The following MACC1 variants were observed in gnomAD, a reference collection of about 807,000 sequenced individuals.
MACC1 encodes MET transcriptional regulator MACC1, also known as metastasis-associated in colon cancer protein 1.
In MACC1, 79 loss-of-function variants were observed where a neutral mutation model predicts 70.7. The ratio of observed to expected loss-of-function variants is 1.12; its 90% confidence interval spans 0.93 to 1.35. MACC1 has a LOEUF of 1.35. Ranked by LOEUF, MACC1 falls within the 40% of genes most tolerant of loss-of-function variation. MACC1 has a pLI of 0.00. For missense variants in MACC1, 1,106 were observed against 978.1 expected (o/e 1.13, Z -1.74); for synonymous variants, 361 against 347.2 (o/e 1.04, Z -0.44).
At chr7:20,209,946 G>A (rs1782972089) in intron 1 of MACC1, among the ~76,000 whole-genome samples, 1 of 152,110 alleles carries the variant, frequency 6.6e-6, no homozygotes, top group African/African-American at 2.4e-5. Flanking sequence ...TTCCCTGCTG[G>A]CACTCATTCT....
chr7:20,144,146 T>G (rs953124168), intron 6 of MACC1, among the ~76,000 whole-genome samples: 10 of 152,202 alleles, frequency 6.6e-5, no homozygotes, highest in African/African-American at 2.2e-4. Context: ...TTATCATTGT[T>G]CATTAACTAT....
chr7:20,175,772 C>A (rs971353760), intron 1 of MACC1, among the ~76,000 whole-genome samples: 1 of 152,082 alleles, frequency 6.6e-6, no homozygotes, highest in Non-Finnish European at 1.5e-5. Flanking sequence ...AGCATTTTAA[C>A]ATGACTCTTG....
At chr7:20,168,743 T>A (rs1383744590) in intron 2 of MACC1, among the ~76,000 whole-genome samples, 1 of 152,180 alleles carries the variant, frequency 6.6e-6, no homozygotes, top group Non-Finnish European at 1.5e-5. Context: ...CATGTCAGGT[T>A]ACAATCCCAA....
rs112014127 is a variant in MACC1 at position 20,143,640 on chromosome 7, C to T, written c.2347-2482G>A. ...TCCTGACCTCATGATCCGCCCGCCTCGGACTCGCAAAGTGCTGGGATTACA... is the reference window on the plus strand; with the variant it reads ...TCCTGACCTCATGATCCGCCCGCCTTGGACTCGCAAAGTGCTGGGATTACA... On this transcript the variant is annotated intron_variant, in intron 6 of 6. Coordinates refer to ENST00000400331, the MANE Select transcript of MACC1 (RefSeq NM_182762.4). Among the ~76,000 whole-genome samples, 1,163 of 152,280 alleles carry T rather than the reference C, an allele frequency of 7.6e-3. 13 individuals are homozygous for T. Among genetic ancestry groups the T allele is most frequent in the African/African-American group, 0.027 (1,125 of 41,524 alleles).
intron 1 of MACC1, among the ~76,000 whole-genome samples, chr7:20,183,414 C>T (rs549463569): frequency 3.9e-5 from 6 of 152,298 alleles, no homozygotes; most frequent in South Asian, 4.1e-4. Flanking sequence ...TAGGAGAATT[C>T]GGTTCAAATG....
chr7:20,182,405 G>T (rs888018232), intron 1 of MACC1, among the ~76,000 whole-genome samples: 2 of 151,982 alleles, frequency 1.3e-5, no homozygotes, highest in African/African-American at 4.8e-5. Context: ...CTCCATTATG[G>T]CTGTTAACCC....
At chr7:20,147,069 G>A (rs1781902865) in intron 6 of MACC1, among the ~76,000 whole-genome samples, 1 of 152,194 alleles carries the variant, frequency 6.6e-6, no homozygotes. Flanking sequence ...TGGAAGAAGT[G>A]TGTCTTAGGT....
chr7:20,172,101 C>T (rs1409211442), intron 1 of MACC1, among the ~76,000 whole-genome samples: 1 of 152,164 alleles, frequency 6.6e-6, no homozygotes, highest in Non-Finnish European at 1.5e-5. Flanking sequence ...CTAGTTCTCC[C>T]ACACAATCTT....
At chr7:20,203,280 C>G (rs546016614) in intron 1 of MACC1, among the ~76,000 whole-genome samples, 9 of 152,274 alleles carry the variant, frequency 5.9e-5, no homozygotes, top group African/African-American at 1.9e-4. Flanking sequence ...GATACAAGTG[C>G]GTATCTCCTC....
Position 20,159,718 on chromosome 7 carries a change from C to T in MACC1, c.643G>A (p.Ala215Thr). 6.2e-7 allele frequency: 1 copy of T among 1,614,142 alleles called. No individual in the cohort carries two copies. The highest frequency in any genetic ancestry group is 8.5e-7 in the Non-Finnish European group (1 of 1,180,030). ...CCTCCTTGATGGTTTACTTTGCAAG[C>T]TATGGTGACCTCCGCAAGTTGTGTC... ...AQTQLAEVTI[A>T]CKVNHQGGSV... is the part of the protein sequence containing the mutation. The change falls in exon 5 of 7, where the codon GCT becomes ACT. Residue 215 changes from alanine to threonine, a missense_variant. Ala to Thr is a moderately conservative substitution (Grantham distance 58). Transcript: ENST00000400331.
rs1016092769 is a variant in MACC1, at chr7:20,136,988, T to A, written c.*3958A>T. The A allele has an allele frequency of 1.3e-5, 2 of 149,602 alleles. No individual in the cohort carries two copies. Among genetic ancestry groups the A allele is most frequent in the Admixed American group, 1.3e-4 (2 of 14,996 alleles). 9.3% of individuals were successfully genotyped at this position (149,602 alleles called of 1,614,324 possible). On this transcript the variant is annotated 3_prime_UTR_variant, in exon 7 of 7. Coordinates refer to ENST00000400331, the MANE Select transcript of MACC1 (RefSeq NM_182762.4). Reference sequence around the variant, plus strand: ...ATTATAATATTAAATTATAATTAATTCTTAAAGATTAAGATTATTATTGTG... The same window carrying A: ...ATTATAATATTAAATTATAATTAATACTTAAAGATTAAGATTATTATTGTG...
At chr7:20,142,173 C>G (rs1410980001) in intron 6 of MACC1, among the ~76,000 whole-genome samples, 2 of 152,206 alleles carry the variant, frequency 1.3e-5, no homozygotes, top group African/African-American at 2.4e-5. Flanking sequence ...AGTAGAACCT[C>G]TATCACAGTT....
At chr7:20,158,173 C>G in intron 5 of MACC1, 31 bp downstream of exon 5, 1 of 1,526,274 alleles carries the variant, frequency 6.6e-7, no homozygotes, top group Non-Finnish European at 8.7e-7. Flanking sequence ...TTCTCGATGG[C>G]AATTCATTAC....
chr7:20,191,327 G>A (rs1782668318), intron 1 of MACC1, among the ~76,000 whole-genome samples: 1 of 152,190 alleles, frequency 6.6e-6, no homozygotes, highest in Non-Finnish European at 1.5e-5. Context: ...GTCTCAGGAG[G>A]TCCTGGAAAC....
In MACC1 at chr7:20,145,443, G is replaced by A. The variant is rs1344347270; in HGVS notation, c.2347-4285C>T. Among the ~76,000 whole-genome samples, 3 of 151,944 alleles carry A rather than the reference G, an allele frequency of 2.0e-5. No homozygotes were observed. The South Asian group carries it at 6.2e-4, about 31-fold the overall frequency. On this transcript the variant is annotated intron_variant, in intron 6 of 6. Transcript: ENST00000400331. ...AGGAAGAGAGACAGAACCAGAACAA[G>A]CAGCAGTAGAAAATAGAGGTATTTT...
rs1781751010 is a variant in MACC1 at position 20,138,560 on chromosome 7, T to C, written c.*2386A>G. ...TGAAAGTAAAAACTGTGCTTTTTTT[T>C]CCTTCTCTCATAATTTATTTTTAAT... On this transcript the variant is annotated 3_prime_UTR_variant, in exon 7 of 7. Transcript: ENST00000400331. The C allele has an allele frequency of 6.6e-6, 1 of 152,208 alleles. No homozygotes were observed. The highest frequency in any genetic ancestry group is 1.5e-5 in the Non-Finnish European group (1 of 68,042). The allele number at this position is 152,208 out of a possible 1,614,324, so 9.4% of individuals were successfully genotyped here.
chr7:20,140,809 AC>A lies in MACC1; in HGVS notation c.*136del. 1.9e-6 allele frequency: 1 copy of A among 534,210 alleles called. No individual in the cohort carries two copies. Among genetic ancestry groups the A allele is most frequent in the Non-Finnish European group, 3.2e-6 (1 of 317,318 alleles). The allele number at this position is 534,210 out of a possible 1,614,324, so 33.1% of individuals were successfully genotyped here. A position where few individuals can be genotyped will look rare whatever the true frequency, so the allele number is the denominator to read the frequency against. On this transcript the variant is annotated 3_prime_UTR_variant, in exon 7 of 7. Coordinates refer to ENST00000400331, the MANE Select transcript of MACC1 (RefSeq NM_182762.4). The stretch of plus-strand genomic sequence containing the variant: ...CTGAGATTCTTTCTTTCCTACACAC[AC>A]ACACACACACACACAGACACACACA...
At chr7:20,177,563 C>T (rs1317373190) in intron 1 of MACC1, among the ~76,000 whole-genome samples, 1 of 151,854 alleles carries the variant, frequency 6.6e-6, no homozygotes, top group African/African-American at 2.4e-5. Flanking sequence ...CCTATAAGTG[C>T]TTTTTTGTTC....
rs1782120258 is a variant in MACC1 at position 20,160,100 on chromosome 7, G to A, written c.261C>T (p.Asn87=). The A allele has an allele frequency of 1.2e-6, 2 of 1,612,724 alleles. No homozygotes were observed. The highest frequency in any genetic ancestry group is 1.7e-6 in the Non-Finnish European group (2 of 1,179,606). The change falls in exon 5 of 7, where the codon AAC becomes AAT. Residue 87 remains asparagine (N), a synonymous_variant. Transcript: ENST00000400331. ...FLDDITQLRN[N]RKRNNISILK... is the part of the protein sequence containing the mutation. ...AGATGGAAATATTATTTCTCTTCCTGTTATTTCTTAGTTGAGTTATGTCAT... is the reference window on the plus strand; with the variant it reads ...AGATGGAAATATTATTTCTCTTCCTATTATTTCTTAGTTGAGTTATGTCAT...
Sources: allele counts gnomAD v4.1 joint callset (sites outside exome capture counted in the v4.1 genomes callset), GRCh38; gene constraint gnomAD v4.1.1; transcripts MANE v1.5; gene names NCBI Gene and HGNC (gene_info 2026-07-23, HGNC 2026-07-21).